Variants in FNDC3A observed in about 807,000 individuals in gnomAD.
The protein encoded by FNDC3A is fibronectin type-III domain-containing protein 3A.
FNDC3A carries 32 observed loss-of-function variants against 148.9 expected under a neutral mutation model. That is an observed-to-expected ratio of 0.21 (90% confidence interval 0.16 to 0.29). FNDC3A has a LOEUF of 0.29. FNDC3A is among the 10% of genes least tolerant of loss of function. The pLI, the probability that FNDC3A is intolerant of heterozygous loss-of-function variation, is 1.00. For missense variants in FNDC3A, 1,191 were observed against 1,452.8 expected (o/e 0.82, Z 2.93); for synonymous variants, 472 against 473.6 (o/e 1.00, Z 0.04).
chr13:48,985,243 A>C (rs1054001073), intron 1 of FNDC3A, among the ~76,000 whole-genome samples: 1 of 152,206 alleles, frequency 6.6e-6, no homozygotes, highest in Non-Finnish European at 1.5e-5. Flanking sequence ...GTAAGCAGGA[A>C]ATTTATAGAG....
intron 2 of FNDC3A, among the ~76,000 whole-genome samples, chr13:49,038,796 C>T (rs1223594752): frequency 6.6e-6 from 1 of 152,110 alleles, no homozygotes. Flanking sequence ...AGTCATGTTC[C>T]TTTTGGGATA....
intron 3 of FNDC3A, among the ~76,000 whole-genome samples, chr13:49,108,761 C>T (rs1211338141): frequency 1.3e-5 from 2 of 152,098 alleles, no homozygotes; most frequent in African/African-American, 4.8e-5. Context: ...CTGGGTCTAA[C>T]GTATATGAGT....
intron 4 of FNDC3A, among the ~76,000 whole-genome samples, chr13:49,116,576 C>T (rs1281678111): frequency 2.6e-5 from 4 of 152,176 alleles, no homozygotes; most frequent in Non-Finnish European, 5.9e-5. Context: ...GGGTGGATTA[C>T]CTGAGGTCAG....
At chr13:49,088,213 A>G (rs529144584) in intron 3 of FNDC3A, among the ~76,000 whole-genome samples, 7 of 152,318 alleles carry the variant, frequency 4.6e-5, no homozygotes, top group Admixed American at 3.3e-4. Context: ...TAGGCACTCA[A>G]TAAGTATTTG....
chr13:49,177,971 A>G (rs1166023553), intron 13 of FNDC3A, among the ~76,000 whole-genome samples: 1 of 152,238 alleles, frequency 6.6e-6, no homozygotes, highest in Non-Finnish European at 1.5e-5. Flanking sequence ...ACTATAAGCC[A>G]TTAGATTTTA....
In FNDC3A at chr13:49,107,975, T is replaced by A. The variant is rs140254006; in HGVS notation, c.176-6680T>A. 1.9e-3 allele frequency among the ~76,000 whole-genome samples: 289 copies of A among 152,172 alleles called. 1 individual carries two copies. Among genetic ancestry groups the A allele is most frequent in the Non-Finnish European group, 3.1e-3 (214 of 68,000 alleles). On this transcript the variant is annotated intron_variant, in intron 3 of 25. Coordinates refer to ENST00000492622, the MANE Select transcript of FNDC3A (RefSeq NM_001079673.2). The stretch of plus-strand genomic sequence containing the variant: ...ACATGGATGAGAAAGGAAATCAGGC[T>A]ATGAAGGCAGTGTTGGATCAGGAGA...
chr13:49,146,870 TAAA>T (rs1183898879), intron 8 of FNDC3A: 1 of 152,198 alleles, frequency 6.6e-6, no homozygotes, highest in Non-Finnish European at 1.5e-5. Flanking sequence ...ATTATTCTAA[TAAA>T]AAAGGGTAAT....
intron 19 of FNDC3A, among the ~76,000 whole-genome samples, chr13:49,195,185 G>A (rs1212498530): frequency 6.6e-6 from 1 of 152,158 alleles, no homozygotes; most frequent in African/African-American, 2.4e-5. Flanking sequence ...GTTATTTCAG[G>A]AGAGTTGATG....
chr13:49,201,936 A>C lies in FNDC3A; in HGVS notation c.3124A>C (p.Thr1042Pro). Residue 1042 changes from threonine (T) to proline (P), a missense_variant, in exon 24 of 26, where the codon ACT (threonine) becomes CCT (proline). By Grantham distance (38) the Thr-to-Pro change is conservative. This residue lies in a region of FNDC3A where 751 missense variants were observed against 944.0 expected (regional missense o/e 0.80). Transcript: ENST00000492622. ...GPLSQEYIFTTPKSVPAALKA... is the reference protein window; with the variant it reads ...GPLSQEYIFTPPKSVPAALKA... ...CCTCTCCCAAGAATATATTTTCACTACTCCAAAATCTGTCCCAGCTGCCTT... is the reference window on the plus strand; with the variant it reads ...CCTCTCCCAAGAATATATTTTCACTCCTCCAAAATCTGTCCCAGCTGCCTT... 14 of 1,584,976 alleles carry C rather than the reference A, an allele frequency of 8.8e-6. No individual in the cohort carries two copies. Among genetic ancestry groups the C allele is most frequent in the Non-Finnish European group, 1.2e-5 (14 of 1,167,158 alleles).
At chr13:49,015,415 T>C (rs893364634) in intron 2 of FNDC3A, among the ~76,000 whole-genome samples, 24 of 152,218 alleles carry the variant, frequency 1.6e-4, no homozygotes, top group Admixed American at 9.8e-4. Context: ...GTTGTTGGTG[T>C]ATAAGGATGC....
At chr13:49,204,883 CCAA>C (rs1886578588) in intron 25 of FNDC3A, among the ~76,000 whole-genome samples, 1 of 152,184 alleles carries the variant, frequency 6.6e-6, no homozygotes, top group Non-Finnish European at 1.5e-5. Context: ...TATCTCCTCT[CCAA>C]CATCTTTACT....
intron 19 of FNDC3A, 83 bp from the exon 20 acceptor site, chr13:49,196,794 G>T (rs954795652): frequency 9.4e-6 from 6 of 636,168 alleles, no homozygotes; most frequent in Non-Finnish European, 1.6e-5. Flanking sequence ...CTTTATTAAT[G>T]AATCTTTAAA....
chr13:49,058,159 C>G (rs1039223253), intron 2 of FNDC3A, among the ~76,000 whole-genome samples: 1 of 152,080 alleles, frequency 6.6e-6, no homozygotes, highest in Non-Finnish European at 1.5e-5. Context: ...CTCCAACAAC[C>G]GAGCTCCCCG....
At chr13:49,126,636 A>C (rs1021480133) in intron 4 of FNDC3A, among the ~76,000 whole-genome samples, 1 of 152,214 alleles carries the variant, frequency 6.6e-6, no homozygotes, top group East Asian at 1.9e-4. Context: ...AGATAAGAAC[A>C]TGGAATCTGA....
At chr13:49,028,713 C>G (rs1873903776) in intron 2 of FNDC3A, among the ~76,000 whole-genome samples, 1 of 152,162 alleles carries the variant, frequency 6.6e-6, no homozygotes, top group African/African-American at 2.4e-5. Context: ...AAATCTGCCT[C>G]TAACCATCAA....
intron 8 of FNDC3A, among the ~76,000 whole-genome samples, chr13:49,161,003 G>T (rs202194011): frequency 6.6e-6 from 1 of 152,154 alleles, no homozygotes; most frequent in Non-Finnish European, 1.5e-5. Flanking sequence ...TATAATTTCT[G>T]TTCTTTTACA....
intron 2 of FNDC3A, among the ~76,000 whole-genome samples, chr13:49,051,764 G>A (rs1407697570): frequency 2.6e-5 from 4 of 152,100 alleles, no homozygotes; most frequent in Admixed American, 6.5e-5. Context: ...CCTCAAATAC[G>A]TTTTCCAAAC....
At chr13:49,055,905 G>A (rs1488658346) in intron 2 of FNDC3A, among the ~76,000 whole-genome samples, 1 of 152,040 alleles carries the variant, frequency 6.6e-6, no homozygotes, top group African/African-American at 2.4e-5. Flanking sequence ...ATTTTACAGA[G>A]GCCGGGTGTG....
intron 2 of FNDC3A, among the ~76,000 whole-genome samples, chr13:49,061,787 C>T (rs1242556106): frequency 3.1e-4 from 8 of 26,050 alleles, no homozygotes; most frequent in African/African-American, 1.3e-3. Context: ...CTCTCCTCTC[C>T]CTCTCCTCTC....
Sources: gnomAD v4.1 joint callset for allele counts (sites outside exome capture counted in the v4.1 genomes callset) on GRCh38, gnomAD v4.1.1 for gene constraint, gnomAD v4.1.1 regional missense constraint, MANE v1.5 for transcripts, NCBI Gene and HGNC (gene_info 2026-07-23, HGNC 2026-07-21) for gene names.